Variants in DUSP16 observed in about 807,000 individuals in gnomAD.
The protein encoded by DUSP16 is dual specificity protein phosphatase 16.
DUSP16 carries 21 observed loss-of-function variants against 58.3 expected under a neutral mutation model. That is an observed-to-expected ratio of 0.36 (90% confidence interval 0.26 to 0.52). The LOEUF is 0.52. DUSP16 is among the 20% of genes least tolerant of loss of function. The probability of loss-of-function intolerance (pLI) is 0.94; values close to 1 mark genes in which losing one functional copy is unlikely to be tolerated. For missense variants in DUSP16, 726 were observed against 819.0 expected (o/e 0.89, Z 1.39); for synonymous variants, 320 against 323.8 (o/e 0.99, Z 0.12).
chr12:12,478,059 A>C lies in DUSP16; in HGVS notation c.816-44T>G, dbSNP rs777969135. On this transcript the variant is annotated intron_variant, in intron 6 of 6. Transcript: ENST00000298573. ...ACAAAAACCCGAATTTTACAACTAC[A>C]CTTTATCTTAAGAATATTAAGTGAA... The C allele has an allele frequency of 6.4e-6, 9 of 1,416,662 alleles. No homozygotes were observed. In the East Asian group the frequency reaches 1.6e-4, roughly 25 times the overall value. The allele number at this position is 1,416,662 out of a possible 1,614,324, so 87.8% of individuals were successfully genotyped here. A position where few individuals can be genotyped will look rare whatever the true frequency, so the allele number is the denominator to read the frequency against.
chr12:12,506,617 A>G (rs1329587352), intron 3 of DUSP16, among the ~76,000 whole-genome samples: 1 of 152,212 alleles, frequency 6.6e-6, no homozygotes, highest in African/African-American at 2.4e-5. Flanking sequence ...GTGTTTCCCT[A>G]ACATGGACCT....
At chr12:12,501,596 T>A (rs1943911469) in intron 3 of DUSP16, among the ~76,000 whole-genome samples, 1 of 152,220 alleles carries the variant, frequency 6.6e-6, no homozygotes, top group African/African-American at 2.4e-5. Context: ...CAGATTCTGA[T>A]AAATTTTCAG....
In DUSP16 at chr12:12,550,187, C is replaced by T. The variant is rs1017981215; in HGVS notation, c.-366+11930G>A. Among the ~76,000 whole-genome samples the T allele has an allele frequency of 6.3e-4, 95 of 151,408 alleles. 1 individual carries two copies. The highest frequency in any genetic ancestry group is 6.3e-3 in the Admixed American group (95 of 15,178). ...GCTTGGGAGGCTGAGGTGGGAGAAT[C>T]GCTTGAACCCGGGAGGCGGAGGCTG... On this transcript the variant is annotated intron_variant, in intron 1 of 6. Transcript: ENST00000298573.
In DUSP16 at chr12:12,476,776, A is replaced by AT; in HGVS notation, c.*56dup. On this transcript the variant is annotated 3_prime_UTR_variant, in exon 7 of 7. Transcript: ENST00000298573. ...TATATATATTTCAGATTTACAGGGAATTTTTTTGTGAACAAGAAAAAAAAA... is the reference window on the plus strand; with the variant it reads ...TATATATATTTCAGATTTACAGGGAATTTTTTTTGTGAACAAGAAAAAAAAA... 4.1e-6 allele frequency: 6 copies of AT among 1,477,564 alleles called. No homozygotes were observed. The highest frequency in any genetic ancestry group is 1.3e-5 in the South Asian group (1 of 74,714). The allele number at this position is 1,477,564 out of a possible 1,614,324, so 91.5% of individuals were successfully genotyped here. A position where few individuals can be genotyped will look rare whatever the true frequency, so the allele number is the denominator to read the frequency against.
chr12:12,500,293 T>C (rs1176520529), intron 4 of DUSP16, among the ~76,000 whole-genome samples: 1 of 152,168 alleles, frequency 6.6e-6, no homozygotes, highest in East Asian at 1.9e-4. Context: ...CTTGGACCTA[T>C]TAAGAACAAG....
chr12:12,501,359 G>A (rs1943907184), intron 3 of DUSP16, among the ~76,000 whole-genome samples: 1 of 152,178 alleles, frequency 6.6e-6, no homozygotes, highest in Admixed American at 6.5e-5. Context: ...AGGCTTTGTG[G>A]CAAGATTACT....
At chr12:12,519,772 T>A (rs891537114) in intron 3 of DUSP16, 90 bp downstream of exon 3, 6 of 1,308,094 alleles carry the variant, frequency 4.6e-6, no homozygotes, top group Non-Finnish European at 5.4e-6. Context: ...AAAGTTGGGA[T>A]GATCTATTGT....
intron 1 of DUSP16, among the ~76,000 whole-genome samples, chr12:12,549,990 T>C (rs1255389131): frequency 6.6e-6 from 1 of 152,166 alleles, no homozygotes; most frequent in Non-Finnish European, 1.5e-5. Flanking sequence ...GTTACTTTAT[T>C]GATTTAGATG....
At position 12,477,310 on chromosome 12, in the gene DUSP16, C is replaced by G. The variant is rs143725667; in HGVS notation, c.1521G>C (p.Gly507=). Residue 507 remains glycine, a synonymous_variant, in exon 7 of 7, where the codon GGG becomes GGC. Transcript: ENST00000298573. This position sits in a 1 kb window ranked among gnomAD's most constrained non-coding sequence, Gnocchi z 4.1. ...TGGTGTGGTAATTGTCCTCCACGCT[C>G]CCACTTCGATGCAGTGGAGATAAAA... The part of the protein sequence containing the change: ...RSLLSPLHRS[G]SVEDNYHTSF... 1 of 1,614,226 alleles carries G rather than the reference C, an allele frequency of 6.2e-7. No individual in the cohort carries two copies. The highest frequency in any genetic ancestry group is 8.5e-7 in the Non-Finnish European group (1 of 1,180,046).
intron 1 of DUSP16, among the ~76,000 whole-genome samples, chr12:12,559,526 A>C (rs1004368006): frequency 5.3e-5 from 8 of 152,358 alleles, no homozygotes; most frequent in African/African-American, 1.9e-4. Flanking sequence ...CTGAATGTCC[A>C]GTGAAATTTT....
chr12:12,557,095 A>C (rs1172510839), intron 1 of DUSP16, among the ~76,000 whole-genome samples: 5 of 152,176 alleles, frequency 3.3e-5, no homozygotes, highest in Non-Finnish European at 5.9e-5. Context: ...TTGTAAAAAA[A>C]CATGAGATTC....
intron 6 of DUSP16, 132 bp downstream of exon 6, chr12:12,480,072 TTCACAAGACCATTAAAAAA>T: frequency 3.7e-6 from 4 of 1,084,984 alleles, no homozygotes; most frequent in African/African-American, 1.6e-5. Context: ...TTTTCCAATC[TTCACAAGACCATTAAAAAA>T]TCCACAGTAA....
At chr12:12,506,299 G>A (rs1943996214) in intron 3 of DUSP16, 1 of 152,278 alleles carries the variant, frequency 6.6e-6, no homozygotes, top group South Asian at 2.1e-4. Context: ...TTATGCAAAC[G>A]TTCTGCTCCA....
intron 1 of DUSP16, among the ~76,000 whole-genome samples, chr12:12,528,202 T>C (rs1233977468): frequency 6.6e-6 from 1 of 152,140 alleles, no homozygotes; most frequent in African/African-American, 2.4e-5. Flanking sequence ...CTGCCACCCA[T>C]GTATGTATCC....
At chr12:12,516,607 C>T (rs1354291783) in intron 3 of DUSP16, among the ~76,000 whole-genome samples, 17 of 152,168 alleles carry the variant, frequency 1.1e-4, no homozygotes, top group Non-Finnish European at 1.5e-5. Flanking sequence ...ACCATCTTCA[C>T]ATCTGCTTAT....
At chr12:12,552,538 C>T (rs1184688424) in intron 1 of DUSP16, among the ~76,000 whole-genome samples, 1 of 152,058 alleles carries the variant, frequency 6.6e-6, no homozygotes, top group African/African-American at 2.4e-5. Flanking sequence ...TATGAAAATA[C>T]CCCACCCTTC....
intron 4 of DUSP16, among the ~76,000 whole-genome samples, chr12:12,490,830 T>C (rs1943751528): frequency 6.6e-6 from 1 of 152,238 alleles, no homozygotes; most frequent in African/African-American, 2.4e-5. Flanking sequence ...GCAATCTGTC[T>C]TTCCTGAATC....
intron 5 of DUSP16, 146 bp from the exon 6 acceptor site, chr12:12,480,492 T>TG: frequency 1.1e-6 from 1 of 952,276 alleles, no homozygotes; most frequent in Non-Finnish European, 1.5e-6. Flanking sequence ...CTCGCAATAT[T>TG]CTTTTGAGGA....
intron 5 of DUSP16, among the ~76,000 whole-genome samples, chr12:12,482,012 G>A (rs1250594206): frequency 1.3e-5 from 2 of 152,162 alleles, no homozygotes; most frequent in African/African-American, 4.8e-5. Context: ...CCATTATAAT[G>A]TGTATGTGTG....
Sources: gnomAD v4.1 joint callset for allele counts (sites outside exome capture counted in the v4.1 genomes callset) on GRCh38, gnomAD v4.1.1 for gene constraint, Gnocchi (gnomAD v3.1) non-coding constraint, MANE v1.5 for transcripts, NCBI Gene and HGNC (gene_info 2026-07-23, HGNC 2026-07-21) for gene names.